Variants in TXNRD1 observed in about 807,000 individuals in gnomAD.
The protein encoded by TXNRD1 is thioredoxin reductase 1.
In TXNRD1, 57 loss-of-function variants were observed where a neutral mutation model predicts 80.3. That is an observed-to-expected ratio of 0.71 (90% CI 0.57 to 0.89). TXNRD1 has a LOEUF of 0.89. Ranked by LOEUF, TXNRD1 falls within the 40% of genes least tolerant of loss-of-function variation. TXNRD1 has a pLI of 0.00. For synonymous variants in TXNRD1, 291 were observed against 285.2 expected (o/e 1.02, Z -0.20); for missense variants, 730 against 803.0 (o/e 0.91, Z 1.10).
chr12:104,230,935 G>A (rs1196141783), intron 1 of TXNRD1, among the ~76,000 whole-genome samples: 2 of 152,136 alleles, frequency 1.3e-5, no homozygotes, highest in Non-Finnish European at 2.9e-5. Context: ...TTTTACACAC[G>A]TGAGGATGTG....
intron 1 of TXNRD1, among the ~76,000 whole-genome samples, chr12:104,227,293 G>T (rs1593682610): frequency 6.6e-6 from 1 of 151,880 alleles, no homozygotes. Flanking sequence ...AAAGGGTCTT[G>T]CTCTGTCACC....
At chr12:104,257,952 T>TA in intron 2 of TXNRD1, 67 bp from the exon 3 acceptor site, 1 of 1,234,290 alleles carries the variant, frequency 8.1e-7, no homozygotes, top group African/African-American at 1.5e-5. Context: ...CAAAGCTGGA[T>TA]AAGAGATTCT....
chr12:104,330,054 C>T (rs2035897173), intron 13 of TXNRD1, among the ~76,000 whole-genome samples: 1 of 152,210 alleles, frequency 6.6e-6, no homozygotes, highest in Non-Finnish European at 1.5e-5. Context: ...GTCCCTGATA[C>T]ACCACTGTGG....
intron 13 of TXNRD1, among the ~76,000 whole-genome samples, chr12:104,329,052 G>A (rs971075870): frequency 6.6e-6 from 1 of 152,098 alleles, no homozygotes; most frequent in Non-Finnish European, 1.5e-5. Context: ...TGTGACCTGG[G>A]GTTATTTGGG....
intron 1 of TXNRD1, among the ~76,000 whole-genome samples, chr12:104,220,942 A>G (rs1314163718): frequency 6.6e-6 from 1 of 152,160 alleles, no homozygotes. Context: ...ATAACTATAA[A>G]TGACTATCAC....
intron 14 of TXNRD1, among the ~76,000 whole-genome samples, chr12:104,332,595 T>C (rs7303483): frequency 0.91 from 137,555 of 151,738 alleles, 62,608 homozygotes; most frequent in African/African-American, 0.98. Context: ...ACTAAAAATA[T>C]GAAATTAGCC....
At chr12:104,217,738 T>G (rs2135670571) in intron 1 of TXNRD1, among the ~76,000 whole-genome samples, 1 of 152,320 alleles carries the variant, frequency 6.6e-6, no homozygotes, top group Admixed American at 6.5e-5. Flanking sequence ...AACTTTTCAT[T>G]TGCCGTTTCC....
At chr12:104,331,279 A>G (rs560122099) in intron 13 of TXNRD1, among the ~76,000 whole-genome samples, 1 of 152,258 alleles carries the variant, frequency 6.6e-6, no homozygotes, top group East Asian at 1.9e-4. Context: ...CAGTTGGTTG[A>G]TGGATGGAGA....
At chr12:104,264,595 A>G (rs764989385) in intron 3 of TXNRD1, among the ~76,000 whole-genome samples, 2 of 152,200 alleles carry the variant, frequency 1.3e-5, no homozygotes, top group Non-Finnish European at 2.9e-5. Flanking sequence ...GATAGCCACT[A>G]TTAATATTTT....
intron 3 of TXNRD1, among the ~76,000 whole-genome samples, chr12:104,259,256 C>T (rs1413334880): frequency 6.6e-6 from 1 of 151,800 alleles, no homozygotes; most frequent in Non-Finnish European, 1.5e-5. Flanking sequence ...TGGTGTGCAC[C>T]TGTAGTCCCA....
At chr12:104,275,582 C>T (rs745321546) in intron 3 of TXNRD1, among the ~76,000 whole-genome samples, 5 of 151,974 alleles carry the variant, frequency 3.3e-5, no homozygotes, top group Non-Finnish European at 7.4e-5. Flanking sequence ...GGGGTTTCTC[C>T]GTGTTGGTCA....
At chr12:104,304,193 GC>G in intron 4 of TXNRD1, 1 of 1,614,072 alleles carries the variant, frequency 6.2e-7, no homozygotes, top group African/African-American at 1.3e-5. Flanking sequence ...CAGAGAAGCA[GC>G]CCTCGACGCC....
intron 11 of TXNRD1, 103 bp from the exon 12 acceptor site, chr12:104,326,244 A>C: frequency 1.3e-6 from 1 of 760,296 alleles, no homozygotes; most frequent in Non-Finnish European, 2.1e-6. Context: ...TCCAAGTTTG[A>C]AAAATGAAAT....
chr12:104,242,641 G>A lies in TXNRD1; in HGVS notation c.92-8886G>A, dbSNP rs1039496792. ...AAATTTACAGCTAGGTGAAAGAAAG[G>A]ATATGTTTTTCTTCTTCCATTTGGT... On this transcript the variant is annotated intron_variant, in intron 1 of 16. Coordinates refer to ENST00000525566, the MANE Select transcript of TXNRD1 (RefSeq NM_001093771.3). Among the ~76,000 whole-genome samples, 3 of 152,084 alleles carry A rather than the reference G, an allele frequency of 2.0e-5. No individual in the cohort carries two copies. The East Asian group carries it at 5.8e-4, about 29-fold the overall frequency.
intron 4 of TXNRD1, among the ~76,000 whole-genome samples, chr12:104,309,504 A>G (rs1194051622): frequency 6.6e-6 from 1 of 152,178 alleles, no homozygotes; most frequent in South Asian, 2.1e-4. Context: ...TCCTAGAACC[A>G]TGGTTTTCAT....
rs138772043 is a variant in TXNRD1, at chr12:104,323,810, AC to A, written c.1216-1518del. Among the ~76,000 whole-genome samples, 149 of 121,628 alleles carry A rather than the reference AC, an allele frequency of 1.2e-3. No individual in the cohort carries two copies. The Middle Eastern group carries it at 0.022, about 18-fold the overall frequency. The allele number at this position is 121,628 out of a possible 152,430, so 79.8% of individuals were successfully genotyped here. On this transcript the variant is annotated intron_variant, in intron 10 of 16. Transcript: ENST00000525566. ...GGCGGCTGGCCGGGCGGGGGGGCTG[AC>A]CCCCCCCCACCTCCCTCCCGGACGG...
intron 3 of TXNRD1, among the ~76,000 whole-genome samples, chr12:104,259,060 C>T (rs1453239903): frequency 6.6e-6 from 1 of 152,066 alleles, no homozygotes; most frequent in Non-Finnish European, 1.5e-5. Context: ...TGGGCATTGA[C>T]AGCTTCTGCT....
At chr12:104,309,875 C>T (rs2083371202) in intron 4 of TXNRD1, 2 of 1,535,892 alleles carry the variant, frequency 1.3e-6, no homozygotes, top group East Asian at 2.4e-5. Flanking sequence ...GCAGTCTTGC[C>T]CCCACTGTTG....
chr12:104,232,378 T>C (rs146356485), intron 1 of TXNRD1, among the ~76,000 whole-genome samples: 16 of 152,194 alleles, frequency 1.1e-4, no homozygotes, highest in African/African-American at 3.6e-4. Flanking sequence ...CTGGCCAACA[T>C]GGTGAAACCC....
Sources: gnomAD v4.1 joint callset for allele counts (sites outside exome capture counted in the v4.1 genomes callset) on GRCh38, gnomAD v4.1.1 for gene constraint, MANE v1.5 for transcripts, NCBI Gene and HGNC (gene_info 2026-07-23, HGNC 2026-07-21) for gene names.